The following SCHIP1 variants were observed in gnomAD, a reference collection of about 807,000 sequenced individuals.
SCHIP1 encodes the protein schwannomin interacting protein 1.
SCHIP1 carries 8 observed loss-of-function variants against 29.7 expected under a neutral mutation model. The observed-to-expected ratio is 0.27, with a 90% confidence interval of 0.16 to 0.49. The LOEUF (loss-of-function observed/expected upper bound fraction) is 0.49, where lower values mean the gene tolerates loss of function less well. Among genes scored for constraint, SCHIP1 ranks in the 20% least tolerant of loss-of-function variants. SCHIP1 has a pLI of 0.99. For missense variants in SCHIP1, 193 were observed against 294.6 expected (o/e 0.66, Z 2.52); for synonymous variants, 76 against 94.9 (o/e 0.80, Z 1.16).
chr3:159,626,176 CT>C, the SCHIP1 span, among the ~76,000 whole-genome samples: 1 of 71,346 alleles, frequency 1.4e-5, no homozygotes, highest in Admixed American at 1.4e-4. Flanking sequence ...ATATATCTAT[CT>C]ATCTAGATAG....
chr3:159,442,456 C>G, the SCHIP1 span, among the ~76,000 whole-genome samples: 1 of 152,162 alleles, frequency 6.6e-6, no homozygotes, highest in Non-Finnish European at 1.5e-5. Flanking sequence ...AGCTTAGGTC[C>G]CCTATCCTTC....
In SCHIP1 at chr3:159,842,456, T is replaced by C. The variant is rs536222190; in HGVS notation, c.30+2242T>C. On this transcript the variant is annotated intron_variant, in intron 1 of 6. Transcript: ENST00000445224. ...TACCCCTGCCCTTGCCCACACTCCA[T>C]AGTCTATTTTCAACACAGTTTCCAA... Among the ~76,000 whole-genome samples, 5 of 152,294 alleles carry C rather than the reference T, an allele frequency of 3.3e-5. No homozygotes were observed. The South Asian group carries it at 1.0e-3, about 32-fold the overall frequency.
the SCHIP1 span, among the ~76,000 whole-genome samples, chr3:159,628,937 C>T: frequency 2.0e-5 from 3 of 152,010 alleles, no homozygotes; most frequent in Admixed American, 2.0e-4. Flanking sequence ...AAAGCCCACT[C>T]TTTAAGAAAA....
At chr3:159,491,562 C>T in the SCHIP1 span, among the ~76,000 whole-genome samples, 6 of 152,192 alleles carry the variant, frequency 3.9e-5, no homozygotes, top group Non-Finnish European at 7.3e-5. Context: ...GGGGGAGGGG[C>T]GCCCACCAAT....
chr3:159,512,805 A>AT, the SCHIP1 span, among the ~76,000 whole-genome samples: 2 of 152,140 alleles, frequency 1.3e-5, no homozygotes, highest in Admixed American at 6.5e-5. Flanking sequence ...TACTTATTCT[A>AT]TTTTTTGTGC....
the SCHIP1 span, among the ~76,000 whole-genome samples, chr3:159,822,228 T>A: frequency 6.6e-6 from 1 of 152,010 alleles, no homozygotes; most frequent in South Asian, 2.1e-4. Flanking sequence ...CAAGTGAATA[T>A]GAAGTGAGGG....
the SCHIP1 span, among the ~76,000 whole-genome samples, chr3:159,629,201 C>A: frequency 6.6e-6 from 1 of 151,774 alleles, no homozygotes; most frequent in East Asian, 1.9e-4. Flanking sequence ...ACATTGAGAC[C>A]CCAGGAGGTC....
At chr3:159,615,504 C>T in the SCHIP1 span, among the ~76,000 whole-genome samples, 2 of 152,180 alleles carry the variant, frequency 1.3e-5, no homozygotes, top group Non-Finnish European at 2.9e-5. Flanking sequence ...TACAGTTGGC[C>T]TACCTGGCAC....
the SCHIP1 span, among the ~76,000 whole-genome samples, chr3:159,499,313 A>G: frequency 6.6e-6 from 1 of 152,318 alleles, no homozygotes. Context: ...AGCTGAAAAT[A>G]CTACGATCTA....
At chr3:159,287,758 T>C in the SCHIP1 span, among the ~76,000 whole-genome samples, 1 of 152,202 alleles carries the variant, frequency 6.6e-6, no homozygotes, top group Non-Finnish European at 1.5e-5. Flanking sequence ...AAGTAACTTT[T>C]TCTGACTACA....
the SCHIP1 span, among the ~76,000 whole-genome samples, chr3:159,438,546 T>C: frequency 6.6e-6 from 1 of 152,128 alleles, no homozygotes; most frequent in African/African-American, 2.4e-5. Flanking sequence ...CATAGGTTAA[T>C]GTGTGCCATG....
the SCHIP1 span, among the ~76,000 whole-genome samples, chr3:159,629,703 A>G: frequency 7.9e-5 from 12 of 152,318 alleles, no homozygotes; most frequent in Admixed American, 2.6e-4. Context: ...AAAATAGACC[A>G]TGTGAAAGCC....
the SCHIP1 span, among the ~76,000 whole-genome samples, chr3:159,716,452 T>C: frequency 6.6e-6 from 1 of 152,156 alleles, no homozygotes; most frequent in Non-Finnish European, 1.5e-5. Context: ...AGACACAGAC[T>C]GGCAAATTGG....
chr3:159,512,817 C>T, the SCHIP1 span, among the ~76,000 whole-genome samples: 3 of 152,272 alleles, frequency 2.0e-5, no homozygotes, highest in Middle Eastern at 3.4e-3. Context: ...TTTTTGTGCT[C>T]ATTAACCATC....
At chr3:159,582,978 T>C in the SCHIP1 span, among the ~76,000 whole-genome samples, 1 of 152,154 alleles carries the variant, frequency 6.6e-6, no homozygotes, top group African/African-American at 2.4e-5. Context: ...GTTAACTCAA[T>C]TTTACTCTTA....
the SCHIP1 span, among the ~76,000 whole-genome samples, chr3:159,819,988 C>T: frequency 2.0e-5 from 3 of 152,214 alleles, no homozygotes; most frequent in South Asian, 4.1e-4. Context: ...GTAACCAGAT[C>T]CTGGGAGCCA....
chr3:159,349,756 G>A, the SCHIP1 span, among the ~76,000 whole-genome samples: 7 of 152,218 alleles, frequency 4.6e-5, no homozygotes, highest in East Asian at 9.6e-4. Context: ...TAGGGTCTTC[G>A]GGTCGGGGTT....
the SCHIP1 span, among the ~76,000 whole-genome samples, chr3:159,396,700 T>C: frequency 9.2e-5 from 14 of 152,236 alleles, no homozygotes; most frequent in African/African-American, 3.4e-4. Context: ...GCTGTTAGTC[T>C]GATGGGCTTC....
the SCHIP1 span, among the ~76,000 whole-genome samples, chr3:159,815,024 T>C: frequency 6.6e-6 from 1 of 152,082 alleles, no homozygotes; most frequent in Non-Finnish European, 1.5e-5. Context: ...AAGGAGGGGG[T>C]GTAATCCAAA....
Sources: allele counts gnomAD v4.1 joint callset (sites outside exome capture counted in the v4.1 genomes callset), GRCh38; gene constraint gnomAD v4.1.1; transcripts MANE v1.5; gene names NCBI Gene and HGNC (gene_info 2026-07-23, HGNC 2026-07-21).